Variants in RNPC3 observed in about 807,000 individuals in gnomAD.
RNPC3 encodes RNA binding region (RNP1, RRM) containing 3.
In RNPC3, 48 loss-of-function variants were observed where a neutral mutation model predicts 67.5. That is an observed-to-expected ratio of 0.71 (90% CI 0.56 to 0.90). The LOEUF (loss-of-function observed/expected upper bound fraction) is 0.90. RNPC3 is among the 40% of genes least tolerant of loss of function. The pLI is 0.00. For synonymous variants in RNPC3, 239 were observed against 210.3 expected, an observed-to-expected ratio of 1.14 and a Z score of -1.18; for missense variants, 637 against 626.1, an observed-to-expected ratio of 1.02 and a Z score of -0.19.
chr1:103,533,809 A>T lies in RNPC3; in HGVS notation c.311A>T (p.Asp104Val), dbSNP rs1223671842. Residue 104 changes from aspartate to valine, a missense_variant, in exon 3 of 15, where the codon GAT (aspartate) becomes GTT (valine). Coordinates refer to ENST00000423855, the MANE Select transcript of RNPC3 (RefSeq NM_017619.4). ...GTCGTTGAATTTGCAAAAGAGCAAG[A>T]TCGAGTTCACTCCCCATGTCCCACT... is the stretch of plus-strand genomic sequence containing the variant. ...TLVVEFAKEQ[D>V]RVHSPCPTSG... is the part of the protein sequence containing the mutation. 2.6e-6 allele frequency: 4 copies of T among 1,534,722 alleles called. No individual in the cohort carries two copies. In the East Asian group the frequency reaches 9.8e-5, roughly 38 times the overall value.
At chr1:103,539,447 T>A (rs1651067504) in intron 7 of RNPC3, among the ~76,000 whole-genome samples, 1 of 152,240 alleles carries the variant, frequency 6.6e-6, no homozygotes. Flanking sequence ...AGGCAGTGCC[T>A]GATAGATGGT....
chr1:103,553,745 C>T (rs559391961), intron 14 of RNPC3: 2 of 152,288 alleles, frequency 1.3e-5, no homozygotes, highest in South Asian at 2.1e-4. Flanking sequence ...AAAGTACTTA[C>T]ATTGAAAATT....
chr1:103,546,425 T>G lies in RNPC3; in HGVS notation c.1302+83T>G, dbSNP rs1488718164. On this transcript the variant is annotated intron_variant, in intron 11 of 14. Transcript: ENST00000423855. Reference sequence around the variant, plus strand: ...TGATGTGTTAAAGTCTGTTTGAAACTACCTTTAAGAATGTGGTTTTCTTAC... The same window carrying G: ...TGATGTGTTAAAGTCTGTTTGAAACGACCTTTAAGAATGTGGTTTTCTTAC... 19 of 618,702 alleles carry G rather than the reference T, an allele frequency of 3.1e-5. No individual in the cohort carries two copies. The South Asian group carries it at 4.7e-4, about 15-fold the overall frequency. 38.3% of individuals were successfully genotyped at this position (618,702 alleles called of 1,614,324 possible).
chr1:103,526,677 A>G (rs753251341), intron 1 of RNPC3, among the ~76,000 whole-genome samples: 10 of 152,234 alleles, frequency 6.6e-5, no homozygotes, highest in Non-Finnish European at 1.0e-4. Flanking sequence ...TCATTAAAAT[A>G]GAGGAGAAGC....
At chr1:103,546,158 T>G in intron 10 of RNPC3, 90 bp from the exon 11 acceptor site, 1 of 539,700 alleles carries the variant, frequency 1.9e-6, no homozygotes. Context: ...TTTTGTCTAT[T>G]TAACAATTAG....
intron 2 of RNPC3, among the ~76,000 whole-genome samples, chr1:103,530,912 C>T (rs1010601854): frequency 1.3e-5 from 2 of 152,104 alleles, no homozygotes; most frequent in Non-Finnish European, 1.5e-5. Flanking sequence ...GTTCTTTAGT[C>T]GTGATTTCTG....
intron 2 of RNPC3, among the ~76,000 whole-genome samples, chr1:103,530,607 A>G (rs772041743): frequency 6.6e-6 from 1 of 152,172 alleles, no homozygotes; most frequent in Non-Finnish European, 1.5e-5. Flanking sequence ...ATAGTAAGGA[A>G]CTTAGATTGC....
intron 5 of RNPC3, 66 bp from the exon 6 acceptor site, chr1:103,536,060 T>C (rs781276384): frequency 8.1e-5 from 97 of 1,191,404 alleles, no homozygotes; most frequent in Non-Finnish European, 1.1e-4. Context: ...AGTTTCTTAG[T>C]ACATAAAATA....
intron 12 of RNPC3, among the ~76,000 whole-genome samples, chr1:103,547,922 C>G (rs1570625870): frequency 6.6e-6 from 1 of 152,306 alleles, no homozygotes; most frequent in Non-Finnish European, 1.5e-5. Flanking sequence ...AACCCCAGTT[C>G]TTGACATCTG....
chr1:103,525,973 G>A lies in RNPC3; in HGVS notation c.-98G>A, dbSNP rs1650691761. The A allele has an allele frequency of 1.0e-6, 1 of 969,268 alleles. No homozygotes were observed. The highest frequency in any genetic ancestry group is 1.5e-6 in the Non-Finnish European group (1 of 672,184). The allele number at this position is 969,268 out of a possible 1,614,324, so 60.0% of individuals were successfully genotyped here. A position where few individuals can be genotyped will look rare whatever the true frequency, so the allele number is the denominator to read the frequency against. ...TATTTCCTGGTTTCCAGAATCCTTA[G>A]CGCGAGGCGGAAAAAATATTTCTCC... On this transcript the variant is annotated 5_prime_UTR_variant, in exon 1 of 15. Transcript: ENST00000423855.
Position 103,526,178 on chromosome 1 carries a change from T to C in RNPC3, c.108T>C (p.Ala36=), listed in dbSNP as rs1650701190. ...CCCTTCTGGTCAGGCACCTGCCGGC[T>C]GAGCTTACTGCTGAGGAGAAAGAGG... ...DRTLLVRHLP[A]ELTAEEKEDL... is the part of the protein sequence containing the mutation. The change falls in exon 1 of 15, where the codon GCT becomes GCC. Residue 36 remains alanine (A), a synonymous_variant. Coordinates refer to ENST00000423855, the MANE Select transcript of RNPC3 (RefSeq NM_017619.4). The C allele has an allele frequency of 6.4e-7, 1 of 1,551,578 alleles. No homozygotes were observed. Among genetic ancestry groups the C allele is most frequent in the South Asian group, 1.2e-5 (1 of 84,052 alleles).
rs745986756 is a variant in RNPC3 at position 103,534,784 on chromosome 1, C to T, written c.370C>T (p.Pro124Ser). Residue 124 changes from proline to serine, a missense_variant, in exon 4 of 15, where the codon CCT becomes TCT. By Grantham distance (74) the Pro-to-Ser change is moderately conservative. This residue lies in a region of RNPC3 where 536 missense variants were observed against 500.3 expected (regional missense o/e 1.07). Coordinates refer to ENST00000423855, the MANE Select transcript of RNPC3 (RefSeq NM_017619.4). The part of the protein sequence containing the change: ...GSEKKKRSDD[P>S]VEDDKEKKEL... ...TTCTGTATGTCCCAGGTCTGATGAC[C>T]CTGTCGAAGATGATAAAGAAAAAAA... The T allele has an allele frequency of 6.6e-7, 1 of 1,524,508 alleles. No individual in the cohort carries two copies. The highest frequency in any genetic ancestry group is 1.2e-5 in the South Asian group (1 of 83,006). The allele number at this position is 1,524,508 out of a possible 1,614,324, so 94.4% of individuals were successfully genotyped here. A position where few individuals can be genotyped will look rare whatever the true frequency, so the allele number is the denominator to read the frequency against.
intron 11 of RNPC3, 149 bp from the exon 12 acceptor site, chr1:103,546,828 T>C: frequency 1.9e-6 from 1 of 522,204 alleles, no homozygotes; most frequent in Non-Finnish European, 3.3e-6. Context: ...TGTCCAAATT[T>C]CCCCTTTTGA....
intron 14 of RNPC3, chr1:103,554,499 AAG>A (rs1651484890): frequency 6.6e-6 from 1 of 152,630 alleles, no homozygotes. Flanking sequence ...ACCACCAAGG[AAG>A]AGTTTTTATG....
chr1:103,529,528 G>A (rs970333900), intron 2 of RNPC3, among the ~76,000 whole-genome samples: 5 of 152,068 alleles, frequency 3.3e-5, no homozygotes, highest in African/African-American at 1.2e-4. Flanking sequence ...AATAGAGTAA[G>A]TAGCCGAGTC....
rs1045536440 is a variant in RNPC3, at chr1:103,525,908, G to C, written c.-163G>C. On this transcript the variant is annotated 5_prime_UTR_variant, in exon 1 of 15. Transcript: ENST00000423855. ...AGTCTTCGAAGGGTTGCCGCTTTTCGGTGGCGCAGTTCTCGCGAGAAGGTG... is the reference window on the plus strand; with the variant it reads ...AGTCTTCGAAGGGTTGCCGCTTTTCCGTGGCGCAGTTCTCGCGAGAAGGTG... The C allele has an allele frequency of 3.2e-6, 2 of 615,390 alleles. No individual in the cohort carries two copies. The highest frequency in any genetic ancestry group is 5.6e-6 in the Non-Finnish European group (2 of 357,310). The allele number at this position is 615,390 out of a possible 1,614,324, so 38.1% of individuals were successfully genotyped here.
At position 103,550,253 on chromosome 1, in the gene RNPC3, G is replaced by C. The variant is rs1008595735; in HGVS notation, c.1362-688G>C. On this transcript the variant is annotated intron_variant, in intron 12 of 14. Transcript: ENST00000423855. ...TAATCCTTTCTATTTTTCCATTCTT[G>C]GTTATGTAGTAGTAGTTGTTTTTTT... 5.9e-5 allele frequency among the ~76,000 whole-genome samples: 9 copies of C among 151,920 alleles called. 1 individual carries two copies. The highest frequency in any genetic ancestry group is 2.6e-4 in the Admixed American group (4 of 15,248).
intron 13 of RNPC3, 83 bp from the exon 14 acceptor site, chr1:103,551,638 C>CCATACTCCCAA: frequency 3.8e-6 from 3 of 788,120 alleles, no homozygotes; most frequent in Non-Finnish European, 6.1e-6. Context: ...CATACTCCCA[C>CCATACTCCCAA]CATACACTAG....
Position 103,527,677 on chromosome 1 carries a change from A to T in RNPC3, c.193-18A>T, listed in dbSNP as rs1381937975. The stretch of plus-strand genomic sequence containing the variant: ...TGAAATTATATTGGAAGTAATTTGT[A>T]CCTTAACTCTGTTTCAGAAACATAC... On this transcript the variant is annotated intron_variant, in intron 1 of 14. Transcript: ENST00000423855. 6.5e-7 allele frequency: 1 copy of T among 1,536,828 alleles called. No individual in the cohort carries two copies. The highest frequency in any genetic ancestry group is 1.2e-5 in the South Asian group (1 of 83,236).
Sources: allele counts gnomAD v4.1 joint callset (sites outside exome capture counted in the v4.1 genomes callset), GRCh38; gene constraint gnomAD v4.1.1; regional missense constraint gnomAD v4.1.1; transcripts MANE v1.5; gene names NCBI Gene and HGNC (gene_info 2026-07-23, HGNC 2026-07-21).